NRG1: variants seen among roughly 807,000 people sequenced by gnomAD.
NRG1 encodes pro-neuregulin-1, membrane-bound isoform.
Under a neutral mutation model 63.8 loss-of-function variants are expected in NRG1, and 18 were observed. The ratio of observed to expected loss-of-function variants is 0.28; its 90% CI spans 0.19 to 0.42. NRG1 has a LOEUF of 0.42. Ranked by LOEUF, NRG1 falls within the 10% of genes least tolerant of loss-of-function variation. The pLI, the probability that NRG1 is intolerant of heterozygous loss-of-function variation, is 1.00. For missense variants in NRG1, 762 were observed against 814.7 expected, an observed-to-expected ratio of 0.94 and a Z score of 0.79; for synonymous variants, 302 against 301.3, an observed-to-expected ratio of 1.00 and a Z score of -0.02.
intron 5 of NRG1, among the ~76,000 whole-genome samples, chr8:32,641,549 G>T (rs1852400208): frequency 6.6e-6 from 1 of 152,164 alleles, no homozygotes; most frequent in Admixed American, 6.5e-5. Flanking sequence ...ACTATCGTAT[G>T]CAATTAAAAT....
chr8:31,792,563 C>A (rs1965364), intron 1 of NRG1, among the ~76,000 whole-genome samples: 1 of 152,102 alleles, frequency 6.6e-6, no homozygotes, highest in Non-Finnish European at 1.5e-5. Flanking sequence ...AAAATTGTTT[C>A]ATTAATAGAT....
intron 1 of NRG1, among the ~76,000 whole-genome samples, chr8:31,863,217 G>T (rs1208351192): frequency 6.6e-6 from 1 of 152,160 alleles, no homozygotes; most frequent in African/African-American, 2.4e-5. Flanking sequence ...AGCTATACAA[G>T]ACTTCTTGGA....
At chr8:32,026,734 C>T (rs368578838) in intron 1 of NRG1, among the ~76,000 whole-genome samples, 1 of 152,248 alleles carries the variant, frequency 6.6e-6, no homozygotes, top group African/African-American at 2.4e-5. Flanking sequence ...AAGAGTGCTC[C>T]TTCAACCTAA....
chr8:32,345,169 G>A (rs1303768718), intron 1 of NRG1, among the ~76,000 whole-genome samples: 4 of 152,184 alleles, frequency 2.6e-5, no homozygotes, highest in Non-Finnish European at 5.9e-5. Context: ...GATAGCAAAG[G>A]CAGATAATGT....
At chr8:32,668,768 G>A (rs1804869661) in intron 5 of NRG1, among the ~76,000 whole-genome samples, 1 of 152,028 alleles carries the variant, frequency 6.6e-6, no homozygotes, top group South Asian at 2.1e-4. Context: ...AAGCATTGCT[G>A]ACTCAAGACT....
At chr8:31,994,384 G>T (rs1449512749) in intron 1 of NRG1, among the ~76,000 whole-genome samples, 5 of 151,846 alleles carry the variant, frequency 3.3e-5, no homozygotes, top group Non-Finnish European at 7.4e-5. Context: ...TGGGTGCAGT[G>T]GTTCATACCT....
chr8:32,394,212 T>A (rs979532476), intron 1 of NRG1, among the ~76,000 whole-genome samples: 2 of 152,236 alleles, frequency 1.3e-5, no homozygotes, highest in Non-Finnish European at 1.5e-5. Flanking sequence ...CCTCTGTCAC[T>A]GTGTGGACTT....
chr8:31,760,466 T>A (rs1046770558), intron 1 of NRG1, among the ~76,000 whole-genome samples: 1 of 152,096 alleles, frequency 6.6e-6, no homozygotes, highest in Non-Finnish European at 1.5e-5. Flanking sequence ...CTAATTAAAC[T>A]AAAGAGCTTC....
chr8:32,468,718 T>A (rs1434856036), intron 1 of NRG1, among the ~76,000 whole-genome samples: 1 of 94,648 alleles, frequency 1.1e-5, no homozygotes, highest in African/African-American at 4.6e-5. Context: ...AATTTAACAT[T>A]ACAGTTTTTT....
intron 1 of NRG1, among the ~76,000 whole-genome samples, chr8:32,534,894 T>G (rs1831806052): frequency 6.6e-6 from 1 of 152,136 alleles, no homozygotes; most frequent in Non-Finnish European, 1.5e-5. Context: ...TTCCAGGATT[T>G]AAAAATTTAA....
At chr8:31,870,163 A>T (rs1417274905) in intron 1 of NRG1, among the ~76,000 whole-genome samples, 1 of 152,150 alleles carries the variant, frequency 6.6e-6, no homozygotes, top group East Asian at 1.9e-4. Context: ...TGGGAAACTT[A>T]TCAGACACAC....
At chr8:32,561,538 C>T (rs939257299) in intron 1 of NRG1, among the ~76,000 whole-genome samples, 3 of 152,104 alleles carry the variant, frequency 2.0e-5, no homozygotes, top group African/African-American at 7.2e-5. Flanking sequence ...TTTTTTAGCA[C>T]CAATGCCTTT....
chr8:32,140,697 A>T (rs1024096124), intron 1 of NRG1, among the ~76,000 whole-genome samples: 3 of 152,078 alleles, frequency 2.0e-5, no homozygotes, highest in Non-Finnish European at 4.4e-5. Context: ...TCCTGGGCTC[A>T]AGTGATCTTC....
chr8:32,401,078 G>T (rs1813125938), intron 1 of NRG1, among the ~76,000 whole-genome samples: 1 of 152,100 alleles, frequency 6.6e-6, no homozygotes, highest in Non-Finnish European at 1.5e-5. Flanking sequence ...ACTCATAAGT[G>T]GGAACTAAAC....
At chr8:32,581,647 T>G (rs575660169) in intron 1 of NRG1, among the ~76,000 whole-genome samples, 1 of 152,326 alleles carries the variant, frequency 6.6e-6, no homozygotes, top group African/African-American at 2.4e-5. Context: ...TATAGAAACA[T>G]GGAAGAGGGA....
intron 1 of NRG1, among the ~76,000 whole-genome samples, chr8:32,556,646 T>G (rs1263893083): frequency 1.3e-5 from 2 of 152,212 alleles, no homozygotes; most frequent in African/African-American, 4.8e-5. Flanking sequence ...TGCAAGCTTT[T>G]TAGTAGTTTT....
At chr8:31,841,770 C>A (rs1220614634) in intron 1 of NRG1, among the ~76,000 whole-genome samples, 1 of 152,122 alleles carries the variant, frequency 6.6e-6, no homozygotes, top group African/African-American at 2.4e-5. Flanking sequence ...AATACTCATA[C>A]CAGATTGTAA....
intron 3 of NRG1, among the ~76,000 whole-genome samples, chr8:32,608,094 T>TTTTTTG (rs1845621852): frequency 9.1e-6 from 1 of 109,710 alleles, no homozygotes; most frequent in Non-Finnish European, 1.7e-5. Flanking sequence ...TTTTTTTTGT[T>TTTTTTG]TTTTTTTTTT....
intron 1 of NRG1, among the ~76,000 whole-genome samples, chr8:32,408,670 G>C (rs994544658): frequency 2.0e-5 from 3 of 152,130 alleles, no homozygotes; most frequent in South Asian, 2.1e-4. Context: ...CAAAGAACAG[G>C]TTGTTCATAC....
Sources: gnomAD v4.1 joint callset for allele counts (sites outside exome capture counted in the v4.1 genomes callset) on GRCh38, gnomAD v4.1.1 for gene constraint, MANE v1.5 for transcripts, NCBI Gene and HGNC (gene_info 2026-07-23, HGNC 2026-07-21) for gene names.